The following ZFP91 variants were observed in gnomAD, a reference collection of about 807,000 sequenced individuals.
ZFP91 encodes ZFP91 zinc finger protein, atypical E3 ubiquitin ligase.
Under a neutral mutation model 63.5 loss-of-function variants are expected in ZFP91, and 7 were observed. The ratio of observed to expected loss-of-function variants is 0.11; its 90% CI spans 0.06 to 0.21. ZFP91 has a LOEUF of 0.21. ZFP91 is among the 10% of genes least tolerant of loss of function. The pLI is 1.00. For synonymous variants in ZFP91, 330 were observed against 272.1 expected (o/e 1.21, Z -2.10); for missense variants, 628 against 736.6 (o/e 0.85, Z 1.71).
chr11:58,605,372 T>C (rs1400230272), intron 2 of ZFP91, among the ~76,000 whole-genome samples: 1 of 152,250 alleles, frequency 6.6e-6, no homozygotes, highest in Non-Finnish European at 1.5e-5. Context: ...CTGTAAAATA[T>C]GCCAGTGTTT....
intron 2 of ZFP91, among the ~76,000 whole-genome samples, chr11:58,599,675 T>C (rs1855461897): frequency 6.6e-6 from 1 of 152,078 alleles, no homozygotes; most frequent in Non-Finnish European, 1.5e-5. Flanking sequence ...TTGCCCATGT[T>C]TTAATTGGGT....
At chr11:58,589,657 T>C (rs1449278430) in intron 2 of ZFP91, among the ~76,000 whole-genome samples, 1 of 152,238 alleles carries the variant, frequency 6.6e-6, no homozygotes, top group African/African-American at 2.4e-5. Context: ...TTGTTTGTCC[T>C]TCCTTCCTAA....
Position 58,579,615 on chromosome 11 carries a change from C to A in ZFP91, c.334C>A (p.Arg112=). 1 of 1,569,872 alleles carries A rather than the reference C, an allele frequency of 6.4e-7. No homozygotes were observed. Among genetic ancestry groups the A allele is most frequent in the Non-Finnish European group, 8.6e-7 (1 of 1,162,524 alleles). The change falls in exon 1 of 11, where the codon CGA becomes AGA. Residue 112 remains arginine, a synonymous_variant. Coordinates refer to ENST00000316059, the MANE Select transcript of ZFP91 (RefSeq NM_053023.5). ...PSPVQGKKSP[R]LLCIEKVTTD... ...TCCAGTTCAGGGCAAGAAGAGTCCG[C>A]GACTCCTGTGAGTAACAGTCTTTCA...
In ZFP91 at chr11:58,579,287, G is replaced by A. The variant is rs1337046055; in HGVS notation, c.6G>A (p.Pro2=). The change falls in exon 1 of 11, where the codon CCG becomes CCA. Residue 2 remains proline (P), a synonymous_variant. Coordinates refer to ENST00000316059, the MANE Select transcript of ZFP91 (RefSeq NM_053023.5). M[P]GETEEPRPPE... is the part of the protein sequence containing the mutation. ...TGGGGGACGGACAAGCCCCGATGCCGGGGGAGACGGAAGAGCCGAGACCCC... is the reference window on the plus strand; with the variant it reads ...TGGGGGACGGACAAGCCCCGATGCCAGGGGAGACGGAAGAGCCGAGACCCC... 22 of 1,453,958 alleles carry A rather than the reference G, an allele frequency of 1.5e-5. No homozygotes were observed. Among genetic ancestry groups the A allele is most frequent in the South Asian group, 2.7e-5 (2 of 73,634 alleles). 90.1% of individuals were successfully genotyped at this position (1,453,958 alleles called of 1,614,324 possible). A position where few individuals can be genotyped will look rare whatever the true frequency, so the allele number is the denominator to read the frequency against.
chr11:58,588,911 C>CT (rs1158500438), intron 2 of ZFP91, among the ~76,000 whole-genome samples: 1 of 152,114 alleles, frequency 6.6e-6, no homozygotes, highest in Non-Finnish European at 1.5e-5. Flanking sequence ...CTTCACAATT[C>CT]TTTCTTGAAA....
intron 2 of ZFP91, among the ~76,000 whole-genome samples, chr11:58,592,197 C>G (rs1468933214): frequency 6.6e-6 from 1 of 151,338 alleles, no homozygotes; most frequent in South Asian, 2.1e-4. Context: ...ATCCTCCTGC[C>G]TCAGCCTCCT....
chr11:58,598,610 C>A (rs1565220169), intron 2 of ZFP91, among the ~76,000 whole-genome samples: 1 of 151,972 alleles, frequency 6.6e-6, no homozygotes, highest in Non-Finnish European at 1.5e-5. Flanking sequence ...TTATAAGAAA[C>A]AACTGGAAAT....
At chr11:58,612,091 A>C in intron 6 of ZFP91, 187 bp from the exon 7 acceptor site, 1 of 625,186 alleles carries the variant, frequency 1.6e-6, no homozygotes, top group East Asian at 2.8e-5. Flanking sequence ...GACTGATTTG[A>C]AAGTGAAATT....
intron 6 of ZFP91, 94 bp from the exon 7 acceptor site, chr11:58,612,184 T>C (rs1855675786): frequency 1.5e-6 from 2 of 1,292,912 alleles, no homozygotes; most frequent in Non-Finnish European, 2.2e-6. Flanking sequence ...CCACTTGTTC[T>C]TTGGCCGTGT....
chr11:58,600,247 A>C (rs990309253), intron 2 of ZFP91, among the ~76,000 whole-genome samples: 7 of 151,724 alleles, frequency 4.6e-5, no homozygotes, highest in Non-Finnish European at 1.0e-4. Context: ...TTTTGATAAG[A>C]ATTACAGTTA....
rs560756115 is a variant in ZFP91 at position 58,620,253 on chromosome 11, A to T, written c.*2547A>T. 1 of 152,296 alleles carries T rather than the reference A, an allele frequency of 6.6e-6. No individual in the cohort carries two copies. The highest frequency in any genetic ancestry group is 6.5e-5 in the Admixed American group (1 of 15,292). 9.4% of individuals were successfully genotyped at this position (152,296 alleles called of 1,614,324 possible). ...TCCTTTTGATAAAGGGATGCTGCAT[A>T]GTAGAGTTGGTGTAATTAAACTATC... On this transcript the variant is annotated 3_prime_UTR_variant, in exon 11 of 11. Coordinates refer to ENST00000316059, the MANE Select transcript of ZFP91 (RefSeq NM_053023.5).
intron 1 of ZFP91, among the ~76,000 whole-genome samples, chr11:58,580,338 C>G (rs1021594109): frequency 5.3e-5 from 8 of 152,138 alleles, no homozygotes; most frequent in South Asian, 2.1e-4. Flanking sequence ...GAGAGGAATT[C>G]CTTTATTACC....
chr11:58,614,184 G>A, intron 8 of ZFP91, 45 bp from the exon 9 acceptor site: 2 of 1,287,356 alleles, frequency 1.6e-6, no homozygotes, highest in Non-Finnish European at 2.2e-6. Flanking sequence ...CTTTCAGGAA[G>A]CCTTAATTTT....
Position 58,579,169 on chromosome 11 carries a change from G to A in ZFP91, c.-113G>A. Reference sequence around the variant, plus strand: ...GGGGAGGGGGGAAAGAGGAGCGCAGGGTGAGAGTGAGCCGCAGGCTTCGGG... The same window carrying A: ...GGGGAGGGGGGAAAGAGGAGCGCAGAGTGAGAGTGAGCCGCAGGCTTCGGG... On this transcript the variant is annotated 5_prime_UTR_variant, in exon 1 of 11. Transcript: ENST00000316059. 1 of 885,158 alleles carries A rather than the reference G, an allele frequency of 1.1e-6. No individual in the cohort carries two copies. The highest frequency in any genetic ancestry group is 1.6e-6 in the Non-Finnish European group (1 of 639,196). 54.8% of individuals were successfully genotyped at this position (885,158 alleles called of 1,614,324 possible).
At chr11:58,588,871 G>C (rs1855257385) in intron 2 of ZFP91, among the ~76,000 whole-genome samples, 2 of 152,078 alleles carry the variant, frequency 1.3e-5, no homozygotes, top group Non-Finnish European at 2.9e-5. Context: ...TGTACAAAAG[G>C]AAGAATCGAG....
In ZFP91 at chr11:58,621,536, T is replaced by G. The variant is rs983022897; in HGVS notation, c.*3830T>G. 1.3e-5 allele frequency among the ~76,000 whole-genome samples: 2 copies of G among 152,214 alleles called. No homozygotes were observed. Among genetic ancestry groups the G allele is most frequent in the African/African-American group, 2.4e-5 (1 of 41,450 alleles). On this transcript the variant is annotated 3_prime_UTR_variant, in exon 11 of 11. Transcript: ENST00000316059. ...CCATTTATTGTTTACTTTTATAAAT[T>G]TGCTTCTAAGATGGTATGTGTTTCA...
rs761245526 is a variant in ZFP91 at position 58,609,855 on chromosome 11, A to C, written c.396A>C (p.Glu132Asp). 34 of 1,614,100 alleles carry C rather than the reference A, an allele frequency of 2.1e-5. No individual in the cohort carries two copies. Among genetic ancestry groups the C allele is most frequent in the African/African-American group, 2.7e-5 (2 of 74,930 alleles). ...ATCCCAAGGAAGAAAAAGAGGAAGA[A>C]GACGATTCTGCCCTCCCTCAGGAAG... ...DKDPKEEKEEEDDSALPQEVS... is the reference protein window; with the variant it reads ...DKDPKEEKEEDDDSALPQEVS... The change falls in exon 3 of 11, where the codon GAA becomes GAC. Residue 132 changes from glutamate (E) to aspartate (D), a missense_variant. Glu to Asp is a conservative substitution (Grantham distance 45). This residue lies in a region of ZFP91 where 437 missense variants were observed against 380.3 expected (regional missense o/e 1.15). Coordinates refer to ENST00000316059, the MANE Select transcript of ZFP91 (RefSeq NM_053023.5).
At chr11:58,606,969 G>A (rs892784796) in intron 2 of ZFP91, among the ~76,000 whole-genome samples, 2 of 151,978 alleles carry the variant, frequency 1.3e-5, no homozygotes, top group African/African-American at 4.8e-5. Context: ...ATTTTTAGGG[G>A]ACGGGAGCAG....
intron 2 of ZFP91, among the ~76,000 whole-genome samples, chr11:58,607,824 A>G (rs1310742196): frequency 6.6e-6 from 1 of 152,148 alleles, no homozygotes; most frequent in African/African-American, 2.4e-5. Flanking sequence ...ACCTCTATAT[A>G]GTATTCAATC....
Sources: allele counts gnomAD v4.1 joint callset (sites outside exome capture counted in the v4.1 genomes callset), GRCh38; gene constraint gnomAD v4.1.1; regional missense constraint gnomAD v4.1.1; transcripts MANE v1.5; gene names NCBI Gene and HGNC (gene_info 2026-07-23, HGNC 2026-07-21).